ADAM17: variants seen among roughly 807,000 people sequenced by gnomAD.
ADAM17 encodes the protein disintegrin and metalloproteinase domain-containing protein 17.
In ADAM17, 39 loss-of-function variants were observed where a neutral mutation model predicts 96.7. The ratio of observed to expected loss-of-function variants is 0.40; its 90% CI spans 0.31 to 0.53. The LOEUF (loss-of-function observed/expected upper bound fraction) is 0.53. ADAM17 is among the 20% of genes least tolerant of loss of function. The pLI is 0.44. For synonymous variants in ADAM17, 344 were observed against 359.2 expected (o/e 0.96, Z 0.48); for missense variants, 777 against 1,013.2 (o/e 0.77, Z 3.17).
chr2:9,548,973 T>C (rs567317337), intron 1 of ADAM17, among the ~76,000 whole-genome samples: 1 of 152,354 alleles, frequency 6.6e-6, no homozygotes, highest in Non-Finnish European at 1.5e-5. Flanking sequence ...GGGATAAGCT[T>C]TTATGGCCAT....
chr2:9,550,903 CAAAA>C (rs33972062), intron 1 of ADAM17, among the ~76,000 whole-genome samples: 106 of 97,854 alleles, frequency 1.1e-3, no homozygotes, highest in African/African-American at 3.8e-3. Context: ...ACTAAAAATA[CAAAA>C]AAAAAAAAAA....
At chr2:9,507,714 C>CT (rs1277510638) in intron 11 of ADAM17, among the ~76,000 whole-genome samples, 2 of 147,730 alleles carry the variant, frequency 1.4e-5, no homozygotes, top group Admixed American at 6.8e-5. Flanking sequence ...TTAGCAAGTT[C>CT]TTTTTTTTCT....
At chr2:9,498,381 G>T (rs1424065049) in intron 13 of ADAM17, among the ~76,000 whole-genome samples, 1 of 152,186 alleles carries the variant, frequency 6.6e-6, no homozygotes. Flanking sequence ...GGGAGAGACA[G>T]GATGGAATGA....
chr2:9,505,632 T>C, intron 11 of ADAM17: 1 of 435,788 alleles, frequency 2.3e-6, no homozygotes, highest in Non-Finnish European at 4.2e-6. Flanking sequence ...ATACAAATAC[T>C]GAGACCAAAC....
intron 10 of ADAM17, among the ~76,000 whole-genome samples, chr2:9,517,105 T>A (rs1331112336): frequency 6.6e-6 from 1 of 152,200 alleles, no homozygotes; most frequent in Non-Finnish European, 1.5e-5. Context: ...ACTTCCTGCT[T>A]GTTCTTGAGC....
At chr2:9,553,583 G>A (rs1665649554) in intron 1 of ADAM17, among the ~76,000 whole-genome samples, 1 of 151,062 alleles carries the variant, frequency 6.6e-6, no homozygotes, top group Non-Finnish European at 1.5e-5. Context: ...GCTGAGGCAG[G>A]AGAATTGCTT....
At chr2:9,510,705 A>G (rs1474854685) in intron 10 of ADAM17, among the ~76,000 whole-genome samples, 2 of 149,306 alleles carry the variant, frequency 1.3e-5, no homozygotes, top group Non-Finnish European at 1.5e-5. Context: ...GGTGGTGCAC[A>G]CCTGTGGTCC....
intron 2 of ADAM17, among the ~76,000 whole-genome samples, chr2:9,542,824 A>G (rs1422149310): frequency 1.3e-5 from 2 of 152,080 alleles, no homozygotes; most frequent in East Asian, 1.9e-4. Flanking sequence ...CAGCCTCCCA[A>G]GTAGCTGGGA....
intron 13 of ADAM17, among the ~76,000 whole-genome samples, chr2:9,499,906 A>T (rs969483648): frequency 1.3e-5 from 2 of 152,236 alleles, no homozygotes; most frequent in Non-Finnish European, 2.9e-5. Flanking sequence ...TAAAAAAGAT[A>T]ACAAGTGTTG....
intron 1 of ADAM17, 85 bp downstream of exon 1, chr2:9,555,424 A>C: frequency 6.6e-6 from 8 of 1,213,494 alleles, no homozygotes; most frequent in Non-Finnish European, 8.9e-6. Flanking sequence ...CCCGCCCCCA[A>C]ACACCTGATA....
rs1572955179 is a variant in ADAM17, at chr2:9,540,903, A to G, written c.230+2250T>C. ...GCTGATAAACCTACTATTGGCAAAG[A>G]TAACAGGAAACAGGTAAACTCATAT... is the stretch of plus-strand genomic sequence containing the variant. On this transcript the variant is annotated intron_variant, in intron 2 of 18. Coordinates refer to ENST00000310823, the MANE Select transcript of ADAM17 (RefSeq NM_003183.6). 3.3e-5 allele frequency among the ~76,000 whole-genome samples: 5 copies of G among 152,360 alleles called. No homozygotes were observed. The East Asian group carries it at 7.7e-4, about 23-fold the overall frequency.
At chr2:9,523,622 T>A (rs1664400939) in intron 6 of ADAM17, among the ~76,000 whole-genome samples, 1 of 152,236 alleles carries the variant, frequency 6.6e-6, no homozygotes, top group Non-Finnish European at 1.5e-5. Flanking sequence ...CAGGCTTTTT[T>A]AAAACTACCG....
intron 8 of ADAM17, among the ~76,000 whole-genome samples, chr2:9,520,905 G>A (rs865888817): frequency 1.8e-4 from 24 of 133,160 alleles, no homozygotes; most frequent in Admixed American, 7.5e-4. Context: ...TGGAGGTTGC[G>A]GTGAGCCAAG....
At position 9,540,990 on chromosome 2, in the gene ADAM17, C is replaced by T. The variant is rs542443960; in HGVS notation, c.230+2163G>A. Among the ~76,000 whole-genome samples, 227 of 152,236 alleles carry T rather than the reference C, an allele frequency of 1.5e-3. 1 individual carries two copies. The highest frequency in any genetic ancestry group is 0.01 in the Middle Eastern group (3 of 294). ...GGGAGGAAAGAGCAATATCAATAAA[C>T]ATAGTATACATATCCTTGACCCAGT... On this transcript the variant is annotated intron_variant, in intron 2 of 18. Transcript: ENST00000310823.
intron 4 of ADAM17, 142 bp from the exon 5 acceptor site, chr2:9,528,096 T>C: frequency 1.9e-6 from 1 of 519,772 alleles, no homozygotes; most frequent in Non-Finnish European, 3.1e-6. Flanking sequence ...TTAAAATAAA[T>C]AATCTCAATT....
rs566804757 is a variant in ADAM17 at position 9,495,680 on chromosome 2, C to T, written c.1784-913G>A. 5.3e-5 allele frequency among the ~76,000 whole-genome samples: 8 copies of T among 150,810 alleles called. No homozygotes were observed. In the South Asian group the frequency reaches 1.7e-3, roughly 32 times the overall value. On this transcript the variant is annotated intron_variant, in intron 14 of 18. Transcript: ENST00000310823. Reference sequence around the variant, plus strand: ...GGTGACCTGAGATCGCGCCACTGCACTCCAGCCTGGGCGAGAGTGAGACTC... The same window carrying T: ...GGTGACCTGAGATCGCGCCACTGCATTCCAGCCTGGGCGAGAGTGAGACTC...
At chr2:9,501,588 C>A (rs146163516) in intron 13 of ADAM17, among the ~76,000 whole-genome samples, 2 of 152,290 alleles carry the variant, frequency 1.3e-5, no homozygotes, top group Admixed American at 6.5e-5. Context: ...ATGTAGGTGT[C>A]CCCAACAGTG....
intron 1 of ADAM17, among the ~76,000 whole-genome samples, chr2:9,550,947 C>A (rs976018720): frequency 2.0e-5 from 3 of 148,370 alleles, no homozygotes; most frequent in African/African-American, 7.4e-5. Context: ...TGGTGGGGGA[C>A]ACCTGTAATC....
intron 2 of ADAM17, among the ~76,000 whole-genome samples, chr2:9,540,802 G>C (rs900662242): frequency 6.6e-5 from 10 of 152,246 alleles, no homozygotes; most frequent in Admixed American, 6.5e-4. Flanking sequence ...TATATAAAAA[G>C]ATGCTCAATG....
Sources: allele counts gnomAD v4.1 joint callset (sites outside exome capture counted in the v4.1 genomes callset), GRCh38; gene constraint gnomAD v4.1.1; transcripts MANE v1.5; gene names NCBI Gene and HGNC (gene_info 2026-07-23, HGNC 2026-07-21).